Variants in TRDN observed in about 807,000 individuals in gnomAD.
TRDN encodes the protein triadin, also known as triadin in skeletal muscle.
Under a neutral mutation model 149.7 loss-of-function variants are expected in TRDN, and 161 were observed. The observed-to-expected ratio is 1.08, with a 90% CI of 0.95 to 1.23. TRDN has a LOEUF of 1.23. TRDN is among the 50% of genes most tolerant of loss of function. TRDN has a pLI of 0.00. For synonymous variants in TRDN, 294 were observed against 250.5 expected (o/e 1.17, Z -1.64); for missense variants, 896 against 823.5 (o/e 1.09, Z -1.08).
At chr6:123,527,443 A>G (rs1041101316) in intron 5 of TRDN, among the ~76,000 whole-genome samples, 1 of 151,998 alleles carries the variant, frequency 6.6e-6, no homozygotes. Flanking sequence ...ATGGGTATCC[A>G]TTGTTGGATA....
chr6:123,502,077 T>C, intron 8 of TRDN: 1 of 984,188 alleles, frequency 1.0e-6, no homozygotes, highest in Non-Finnish European at 1.2e-6. Context: ...TCTGTATTTA[T>C]GGTTAAAAAT....
intron 19 of TRDN, among the ~76,000 whole-genome samples, chr6:123,374,044 G>T (rs572401559): frequency 1.3e-5 from 2 of 152,260 alleles, no homozygotes; most frequent in South Asian, 4.1e-4. Context: ...TAAGCAGTTT[G>T]TGAATTATAT....
At chr6:123,611,994 T>C (rs1784837398) in intron 1 of TRDN, among the ~76,000 whole-genome samples, 1 of 152,114 alleles carries the variant, frequency 6.6e-6, no homozygotes, top group Middle Eastern at 3.4e-3. Flanking sequence ...GGTTCAAACC[T>C]TTCAACTTAA....
intron 10 of TRDN, among the ~76,000 whole-genome samples, chr6:123,457,960 T>C (rs1776229921): frequency 1.3e-5 from 2 of 152,146 alleles, no homozygotes. Flanking sequence ...TACTAGTAAA[T>C]ATCATCTGGC....
intron 9 of TRDN, among the ~76,000 whole-genome samples, chr6:123,474,560 C>T (rs1414770099): frequency 6.6e-6 from 1 of 152,176 alleles, no homozygotes; most frequent in African/African-American, 2.4e-5. Context: ...GAACTCAGCT[C>T]TGCACCAAGC....
rs9490834 is a variant in TRDN at position 123,619,459 on chromosome 6, T to C, written c.22+17295A>G. ...GCCTGCCTCCAGGCTGCTTTAATTT[T>C]TTCACAGCATAGTTTCAAAAGCAGG... On this transcript the variant is annotated intron_variant, in intron 1 of 40. Transcript: ENST00000334268. Among the ~76,000 whole-genome samples, 1,333 of 152,340 alleles carry C rather than the reference T, an allele frequency of 8.8e-3. 20 individuals carry two copies. Among genetic ancestry groups the C allele is most frequent in the African/African-American group, 0.031 (1,280 of 41,582 alleles).
chr6:123,505,769 G>A (rs903870730), intron 7 of TRDN, among the ~76,000 whole-genome samples: 1 of 150,632 alleles, frequency 6.6e-6, no homozygotes, highest in Admixed American at 6.6e-5. Context: ...GCACGATCTC[G>A]GCTCACTGCA....
chr6:123,522,563 T>C (rs187012207), intron 5 of TRDN, among the ~76,000 whole-genome samples: 132 of 150,630 alleles, frequency 8.8e-4, no homozygotes, highest in Non-Finnish European at 1.5e-3. Flanking sequence ...CATCCATATT[T>C]ATCTGTACTA....
At chr6:123,608,339 A>G (rs570939428) in intron 1 of TRDN, among the ~76,000 whole-genome samples, 28 of 152,288 alleles carry the variant, frequency 1.8e-4, no homozygotes, top group African/African-American at 6.7e-4. Flanking sequence ...TTGCAATTCT[A>G]TCCTGATCCC....
At chr6:123,281,904 T>C (rs1372912056) in intron 24 of TRDN, among the ~76,000 whole-genome samples, 4 of 151,982 alleles carry the variant, frequency 2.6e-5, no homozygotes, top group Non-Finnish European at 5.9e-5. Flanking sequence ...CTGACTTCTG[T>C]CTCCCAAAAT....
At chr6:123,518,905 A>C (rs1457284636) in intron 5 of TRDN, among the ~76,000 whole-genome samples, 1 of 152,140 alleles carries the variant, frequency 6.6e-6, no homozygotes. Flanking sequence ...TTTTGAAATG[A>C]CTTTCAACAC....
intron 1 of TRDN, among the ~76,000 whole-genome samples, chr6:123,597,214 C>T (rs1006468322): frequency 1.3e-5 from 2 of 151,944 alleles, no homozygotes; most frequent in African/African-American, 2.4e-5. Flanking sequence ...TCAAGACTTC[C>T]GTGGAGGAAA....
intron 4 of TRDN, among the ~76,000 whole-genome samples, chr6:123,536,929 C>A (rs1780573830): frequency 6.6e-6 from 1 of 151,690 alleles, no homozygotes; most frequent in Non-Finnish European, 1.5e-5. Flanking sequence ...ACAACTGCAA[C>A]AATTGAAAGT....
In TRDN at chr6:123,382,127, G is replaced by GA. The variant is rs1562287045; in HGVS notation, c.1155_1156insT (p.Pro386SerfsTer34). ...GAAATATGTCCAGTACCTTCTGCAG[G>GA]TTTTTTTGTTTTCTTGGAATCTGAA... is the stretch of plus-strand genomic sequence containing the variant. On this transcript the variant is annotated frameshift_variant, in exon 15 of 41. Transcript: ENST00000334268. LOFTEE classifies it high-confidence loss of function. 1 of 1,496,582 alleles carries GA rather than the reference G, an allele frequency of 6.7e-7. No individual in the cohort carries two copies. The allele number at this position is 1,496,582 out of a possible 1,614,324, so 92.7% of individuals were successfully genotyped here. A position where few individuals can be genotyped will look rare whatever the true frequency, so the allele number is the denominator to read the frequency against.
At chr6:123,562,741 A>T (rs1340293511) in intron 2 of TRDN, among the ~76,000 whole-genome samples, 1 of 152,214 alleles carries the variant, frequency 6.6e-6, no homozygotes, top group East Asian at 1.9e-4. Flanking sequence ...TTTGATTTGC[A>T]ATTTTGAAAA....
intron 21 of TRDN, 103 bp from the exon 22 acceptor site, chr6:123,337,772 C>T: frequency 1.7e-6 from 1 of 595,052 alleles, no homozygotes; most frequent in Non-Finnish European, 2.8e-6. Context: ...GATCACAGGG[C>T]ATCTGAGTTG....
intron 5 of TRDN, chr6:123,529,040 C>A: frequency 3.6e-6 from 5 of 1,403,530 alleles, no homozygotes; most frequent in Non-Finnish European, 4.6e-6. Flanking sequence ...ACTCTACAGC[C>A]CACTGCTCGG....
At chr6:123,293,095 T>G (rs1314125218) in intron 24 of TRDN, among the ~76,000 whole-genome samples, 1 of 152,136 alleles carries the variant, frequency 6.6e-6, no homozygotes, top group Non-Finnish European at 1.5e-5. Flanking sequence ...GAAATCATCT[T>G]CACAGTTGCT....
At chr6:123,426,825 T>C (rs1211046736) in intron 12 of TRDN, among the ~76,000 whole-genome samples, 1 of 152,156 alleles carries the variant, frequency 6.6e-6, no homozygotes, top group African/African-American at 2.4e-5. Context: ...ATTAATTATT[T>C]TTTGAAAAAT....
Sources: allele counts gnomAD v4.1 joint callset (sites outside exome capture counted in the v4.1 genomes callset), GRCh38; gene constraint gnomAD v4.1.1; transcripts MANE v1.5; gene names NCBI Gene and HGNC (gene_info 2026-07-23, HGNC 2026-07-21).